Variants in ATP10B observed in about 807,000 individuals in gnomAD.
ATP10B encodes the protein ATPase phospholipid transporting 10B (putative).
ATP10B carries 122 observed loss-of-function variants against 141.2 expected under a neutral mutation model. That is an observed-to-expected ratio of 0.86 (90% confidence interval 0.75 to 1.00). ATP10B has a LOEUF of 1.00. Ranked by LOEUF, ATP10B falls within the 50% of genes least tolerant of loss-of-function variation. The pLI, the probability that ATP10B is intolerant of heterozygous loss-of-function variation, is 0.00. For missense variants in ATP10B, 1,876 were observed against 1,825.3 expected, an observed-to-expected ratio of 1.03 and a Z score of -0.51; for synonymous variants, 685 against 692.0, an observed-to-expected ratio of 0.99 and a Z score of 0.16.
At chr5:160,792,045 G>A (rs1049463357) in intron 1 of ATP10B, among the ~76,000 whole-genome samples, 1 of 151,956 alleles carries the variant, frequency 6.6e-6, no homozygotes, top group Non-Finnish European at 1.5e-5. Flanking sequence ...CCTATGCAGT[G>A]TTAAGGGCCC....
chr5:160,772,213 A>T (rs1769955559), intron 2 of ATP10B, among the ~76,000 whole-genome samples: 2 of 152,236 alleles, frequency 1.3e-5, no homozygotes, highest in Admixed American at 1.3e-4. Flanking sequence ...TTCCACAGTC[A>T]CCACTAATCA....
chr5:160,803,533 G>A (rs910713461), intron 1 of ATP10B, among the ~76,000 whole-genome samples: 10 of 152,056 alleles, frequency 6.6e-5, no homozygotes, highest in East Asian at 1.9e-4. Flanking sequence ...AAAATTAGCC[G>A]GGCGTGGTGG....
intron 2 of ATP10B, among the ~76,000 whole-genome samples, chr5:160,724,841 T>C (rs1259673042): frequency 6.6e-6 from 1 of 152,236 alleles, no homozygotes; most frequent in Admixed American, 6.5e-5. Flanking sequence ...TTCCCTCCAC[T>C]CTGGGAGCCT....
intron 2 of ATP10B, among the ~76,000 whole-genome samples, chr5:160,727,862 G>A (rs1248833448): frequency 6.6e-6 from 1 of 152,172 alleles, no homozygotes; most frequent in East Asian, 1.9e-4. Flanking sequence ...GCATCTCCAA[G>A]TGTGACTGCC....
chr5:160,582,510 G>A (rs1308699226), intron 24 of ATP10B, among the ~76,000 whole-genome samples: 1 of 152,188 alleles, frequency 6.6e-6, no homozygotes, highest in African/African-American at 2.4e-5. Context: ...AGAGATATCT[G>A]CTGTTAGTCT....
chr5:160,918,971 A>G, the ATP10B span, among the ~76,000 whole-genome samples: 1 of 151,440 alleles, frequency 6.6e-6, no homozygotes, highest in Admixed American at 6.6e-5. Flanking sequence ...CACGCCTGTA[A>G]TCCCAGCACT....
At position 160,619,846 on chromosome 5, in the gene ATP10B, C is replaced by T. The variant is rs576994290; in HGVS notation, c.2416+501G>A. Among the ~76,000 whole-genome samples the T allele has an allele frequency of 1.2e-3, 182 of 152,228 alleles. 1 individual carries two copies. The highest frequency in any genetic ancestry group is 4.2e-3 in the African/African-American group (176 of 41,536). On this transcript the variant is annotated intron_variant, in intron 15 of 25. Coordinates refer to ENST00000327245, the MANE Select transcript of ATP10B (RefSeq NM_025153.3). ...TGAGGCTTCCCAGAGTACACCAAGC[C>T]CAGTGCAGAATTCTGGCAGCATGAA...
chr5:160,832,641 C>A (rs1476401176), intron 1 of ATP10B, among the ~76,000 whole-genome samples: 1 of 152,076 alleles, frequency 6.6e-6, no homozygotes, highest in Non-Finnish European at 1.5e-5. Context: ...TCTTAAGATA[C>A]ATTTGCTCCC....
intron 6 of ATP10B, among the ~76,000 whole-genome samples, chr5:160,683,688 A>G (rs757947862): frequency 2.0e-5 from 3 of 152,206 alleles, no homozygotes; most frequent in Non-Finnish European, 2.9e-5. Context: ...CTTGTGAGAC[A>G]TGGATGTTTT....
chr5:160,816,866 GT>G (rs1423953788), intron 1 of ATP10B, among the ~76,000 whole-genome samples: 1 of 152,160 alleles, frequency 6.6e-6, no homozygotes, highest in Non-Finnish European at 1.5e-5. Context: ...ATCAATAAAT[GT>G]AATCCAGCAT....
chr5:160,742,145 G>A (rs1483788530), intron 2 of ATP10B, among the ~76,000 whole-genome samples: 1 of 152,140 alleles, frequency 6.6e-6, no homozygotes, highest in Non-Finnish European at 1.5e-5. Context: ...GGTACTGCAA[G>A]GGCTAGCTAG....
chr5:160,666,762 T>C (rs2421533), intron 7 of ATP10B, among the ~76,000 whole-genome samples: 127,529 of 152,180 alleles, frequency 0.84, 53,627 homozygotes, highest in South Asian at 0.88. Context: ...GATGTCTCCC[T>C]CCAGGGAGCA....
chr5:160,579,542 C>A (rs1755413934), intron 24 of ATP10B, among the ~76,000 whole-genome samples: 1 of 152,114 alleles, frequency 6.6e-6, no homozygotes, highest in Non-Finnish European at 1.5e-5. Context: ...GTTTTGGTAC[C>A]AGTACCATGC....
At chr5:160,728,148 T>G (rs1047218340) in intron 2 of ATP10B, among the ~76,000 whole-genome samples, 1 of 152,164 alleles carries the variant, frequency 6.6e-6, no homozygotes, top group African/African-American at 2.4e-5. Flanking sequence ...AAAATGTAGA[T>G]TTACTGGGCA....
chr5:160,763,301 A>G (rs180914380), intron 2 of ATP10B, among the ~76,000 whole-genome samples: 4 of 152,306 alleles, frequency 2.6e-5, no homozygotes, highest in Non-Finnish European at 5.9e-5. Flanking sequence ...AAGATAGACC[A>G]TATGATAGGC....
intron 1 of ATP10B, among the ~76,000 whole-genome samples, chr5:160,817,102 A>T (rs1459729109): frequency 6.6e-6 from 1 of 152,224 alleles, no homozygotes; most frequent in Non-Finnish European, 1.5e-5. Flanking sequence ...CAAGACAGGG[A>T]TGCCCTCTCT....
At chr5:160,577,623 G>T (rs976164620) in intron 24 of ATP10B, among the ~76,000 whole-genome samples, 2 of 152,112 alleles carry the variant, frequency 1.3e-5, no homozygotes, top group Non-Finnish European at 2.9e-5. Context: ...AAAAGTGCTA[G>T]TATTTTTATA....
intron 2 of ATP10B, among the ~76,000 whole-genome samples, chr5:160,779,965 T>C (rs927120199): frequency 6.6e-6 from 1 of 152,222 alleles, no homozygotes; most frequent in Admixed American, 6.5e-5. Flanking sequence ...CTCAGAATAC[T>C]AACACTAAAG....
At chr5:160,927,673 C>G in the ATP10B span, among the ~76,000 whole-genome samples, 1 of 152,188 alleles carries the variant, frequency 6.6e-6, no homozygotes, top group Non-Finnish European at 1.5e-5. Flanking sequence ...ATTAGGCAAG[C>G]CCCTGCTATT....
Sources: allele counts gnomAD v4.1 joint callset (sites outside exome capture counted in the v4.1 genomes callset), GRCh38; gene constraint gnomAD v4.1.1; transcripts MANE v1.5; gene names NCBI Gene and HGNC (gene_info 2026-07-23, HGNC 2026-07-21).